The following FARP1 variants were observed in gnomAD, a reference collection of about 807,000 sequenced individuals.
The protein encoded by FARP1 is FERM, ARHGEF and pleckstrin domain-containing protein 1.
FARP1 carries 52 observed loss-of-function variants against 128.8 expected under a neutral mutation model. The observed-to-expected ratio is 0.40, with a 90% CI of 0.32 to 0.51. FARP1 has a LOEUF of 0.51. FARP1 is among the 20% of genes least tolerant of loss of function. FARP1 has a pLI of 0.45. For missense variants in FARP1, 1,333 were observed against 1,367.9 expected (o/e 0.97, Z 0.40); for synonymous variants, 580 against 551.8 (o/e 1.05, Z -0.72).
chr13:98,295,263 G>A (rs1885635847), intron 2 of FARP1, among the ~76,000 whole-genome samples: 1 of 152,034 alleles, frequency 6.6e-6, no homozygotes, highest in African/African-American at 2.4e-5. Flanking sequence ...TTTAGGGCAG[G>A]AATCGTAAAT....
At chr13:98,159,180 A>G (rs1159762668) in intron 1 of FARP1, among the ~76,000 whole-genome samples, 2 of 152,130 alleles carry the variant, frequency 1.3e-5, no homozygotes, top group Admixed American at 1.3e-4. Context: ...TCCCACGGCC[A>G]GTTTTGTGCT....
chr13:98,302,672 T>TG (rs1885972479), intron 2 of FARP1, among the ~76,000 whole-genome samples: 1 of 152,144 alleles, frequency 6.6e-6, no homozygotes, highest in Non-Finnish European at 1.5e-5. Context: ...AGGATCCCAT[T>TG]GGGGTGAGAA....
intron 8 of FARP1, among the ~76,000 whole-genome samples, chr13:98,387,729 C>T (rs1890150140): frequency 6.6e-6 from 1 of 152,166 alleles, no homozygotes; most frequent in African/African-American, 2.4e-5. Flanking sequence ...CTGTGCTGGC[C>T]TTGAAGACAC....
chr13:98,200,141 C>T (rs1278618477), intron 1 of FARP1, among the ~76,000 whole-genome samples: 1 of 152,208 alleles, frequency 6.6e-6, no homozygotes, highest in Admixed American at 6.5e-5. Context: ...TTGGAAAAGG[C>T]ATGCCACTTT....
chr13:98,309,369 C>G (rs535688355), intron 2 of FARP1, among the ~76,000 whole-genome samples: 4 of 150,616 alleles, frequency 2.7e-5, no homozygotes, highest in Non-Finnish European at 5.9e-5. Context: ...CGGGGTTTCA[C>G]CGTGTTAGCC....
At chr13:98,369,672 A>G (rs1206874341) in intron 5 of FARP1, among the ~76,000 whole-genome samples, 1 of 152,146 alleles carries the variant, frequency 6.6e-6, no homozygotes, top group East Asian at 1.9e-4. Context: ...AGTTTCATCC[A>G]TGTCCCTACA....
chr13:98,440,780 G>C lies in FARP1; in HGVS notation c.2740G>C (p.Val914Leu). The change falls in exon 24 of 27, where the codon GTG (valine) becomes CTG (leucine). Residue 914 changes from valine (V) to leucine (L), a missense_variant. Val to Leu is a conservative substitution (Grantham distance 32). Transcript: ENST00000319562. ...APHRGNTMVH[V>L]CWHRNTSVSM... ...GCACCGCGGCAACACAATGGTGCAC[G>C]TGTGCTGGCACCGCAACACCAGCGT... 6.2e-7 allele frequency: 1 copy of C among 1,613,048 alleles called. No homozygotes were observed. The highest frequency in any genetic ancestry group is 8.5e-7 in the Non-Finnish European group (1 of 1,179,894).
intron 2 of FARP1, among the ~76,000 whole-genome samples, chr13:98,315,704 G>A (rs1886691108): frequency 6.6e-6 from 1 of 152,160 alleles, no homozygotes; most frequent in Non-Finnish European, 1.5e-5. Context: ...TGGTGTCCTG[G>A]AAAACAAAAG....
chr13:98,260,830 A>T (rs1883843486), intron 2 of FARP1, among the ~76,000 whole-genome samples: 1 of 152,186 alleles, frequency 6.6e-6, no homozygotes. Flanking sequence ...GAGCCCAGAG[A>T]ACAGTGTTGA....
chr13:98,193,136 C>T (rs904316542), intron 1 of FARP1, among the ~76,000 whole-genome samples: 3 of 151,706 alleles, frequency 2.0e-5, no homozygotes, highest in African/African-American at 7.3e-5. Flanking sequence ...AGGCTCACTG[C>T]AACATCTGTC....
intron 1 of FARP1, among the ~76,000 whole-genome samples, chr13:98,162,074 G>C (rs1371521049): frequency 6.6e-6 from 1 of 152,096 alleles, no homozygotes; most frequent in East Asian, 1.9e-4. Context: ...CACTGTGCCT[G>C]GCTCTTCCTG....
intron 3 of FARP1, among the ~76,000 whole-genome samples, chr13:98,356,381 T>C (rs1292693871): frequency 6.6e-6 from 1 of 152,150 alleles, no homozygotes; most frequent in East Asian, 1.9e-4. Context: ...TAAGTATTTG[T>C]GTTTCTAAAC....
intron 16 of FARP1, among the ~76,000 whole-genome samples, chr13:98,419,520 T>C (rs1891514156): frequency 9.4e-6 from 1 of 106,200 alleles, no homozygotes; most frequent in Non-Finnish European, 1.9e-5. Flanking sequence ...ACACACACTC[T>C]GTTACTCTGG....
chr13:98,333,156 C>T (rs190281608), intron 2 of FARP1: 1 of 152,090 alleles, frequency 6.6e-6, no homozygotes, highest in Non-Finnish European at 1.5e-5. Context: ...AAGCAGTCGT[C>T]ATCTGGTTTA....
intron 2 of FARP1, among the ~76,000 whole-genome samples, chr13:98,342,133 G>A (rs1456905438): frequency 6.6e-6 from 1 of 152,182 alleles, no homozygotes; most frequent in Non-Finnish European, 1.5e-5. Context: ...TAGTCTCGAT[G>A]AGATACTGCA....
chr13:98,237,053 C>G (rs141089404), intron 2 of FARP1, among the ~76,000 whole-genome samples: 1 of 151,152 alleles, frequency 6.6e-6, no homozygotes, highest in Non-Finnish European at 1.5e-5. Context: ...GTCTGTAATC[C>G]CAGCATTTTG....
upstream of FARP1, chr13:98,142,901 G>C (rs1437209991): frequency 6.6e-6 from 1 of 151,588 alleles, no homozygotes; most frequent in East Asian, 2.0e-4. Context: ...GATCCCCGGC[G>C]GCGCGCTGGG....
chr13:98,448,168 G>T (rs868389988), intron 26 of FARP1, 68 bp from the exon 27 acceptor site: 1 of 1,330,108 alleles, frequency 7.5e-7, no homozygotes, highest in African/African-American at 1.5e-5. Flanking sequence ...TTCTGTAAGC[G>T]ATGCCCACCA....
intron 16 of FARP1, among the ~76,000 whole-genome samples, chr13:98,416,766 C>G (rs1891390057): frequency 6.6e-6 from 1 of 152,126 alleles, no homozygotes; most frequent in Non-Finnish European, 1.5e-5. Context: ...TTCCCCGAGA[C>G]AGGTGGAAGG....
Sources: gnomAD v4.1 joint callset for allele counts (sites outside exome capture counted in the v4.1 genomes callset) on GRCh38, gnomAD v4.1.1 for gene constraint, MANE v1.5 for transcripts, NCBI Gene and HGNC (gene_info 2026-07-23, HGNC 2026-07-21) for gene names.